The following POLQ variants were observed in gnomAD, a reference collection of about 807,000 sequenced individuals.
POLQ encodes the protein DNA polymerase theta.
A neutral mutation model predicts 259.2 loss-of-function variants in POLQ; 233 were observed. That is an observed-to-expected ratio of 0.90 (90% CI 0.81 to 1.00). The LOEUF (loss-of-function observed/expected upper bound fraction) is 1.00, where lower values mean the gene tolerates loss of function less well. Ranked by LOEUF, POLQ falls within the 50% of genes least tolerant of loss-of-function variation. The probability of loss-of-function intolerance (pLI) is 0.00; values close to 1 mark genes in which losing one functional copy is unlikely to be tolerated. For synonymous variants in POLQ, 1,025 were observed against 1,048.8 expected, an observed-to-expected ratio of 0.98 and a Z score of 0.44; for missense variants, 2,871 against 3,051.6, an observed-to-expected ratio of 0.94 and a Z score of 1.39.
intron 14 of POLQ, among the ~76,000 whole-genome samples, chr3:121,495,063 G>A (rs1245568074): frequency 6.6e-6 from 1 of 151,820 alleles, no homozygotes; most frequent in Non-Finnish European, 1.5e-5. Context: ...TCTGAGGTCA[G>A]GACTTTGAGA....
At position 121,490,046 on chromosome 3, in the gene POLQ, C is replaced by T. The variant is rs772952342; in HGVS notation, c.2885G>A (p.Ser962Asn). Residue 962 changes from serine to asparagine, a missense_variant, in exon 16 of 30, where the codon AGT (serine) becomes AAT (asparagine). By Grantham distance (46) the Ser-to-Asn change is conservative. Around this residue, in one of 3 missense-constraint regions of POLQ, gnomAD observed 2,080 missense variants for 2,126.0 expected, o/e 0.98. Coordinates refer to ENST00000264233, the MANE Select transcript of POLQ (RefSeq NM_199420.4). Reference protein sequence around the residue: ...SPNIVQDLNKSREHTSSFNCN... With the variant: ...SPNIVQDLNKNREHTSSFNCN... Reference sequence around the variant, plus strand: ...ATTAAAGGAACTTGTATGCTCTCTACTTTTATTTAAGTCTTGCACTATATT... The same window carrying T: ...ATTAAAGGAACTTGTATGCTCTCTATTTTTATTTAAGTCTTGCACTATATT... The T allele has an allele frequency of 1.3e-5, 21 of 1,574,408 alleles. No individual in the cohort carries two copies. The highest frequency in any genetic ancestry group is 1.7e-5 in the Non-Finnish European group (20 of 1,164,754).
chr3:121,509,208 A>T (rs965943706), intron 12 of POLQ, among the ~76,000 whole-genome samples: 1 of 152,168 alleles, frequency 6.6e-6, no homozygotes, highest in African/African-American at 2.4e-5. Flanking sequence ...AATGGCACGC[A>T]TGTTTGTGTA....
At chr3:121,525,327 G>A (rs1407481281) in intron 7 of POLQ, among the ~76,000 whole-genome samples, 1 of 148,018 alleles carries the variant, frequency 6.8e-6, no homozygotes, top group Non-Finnish European at 1.5e-5. Context: ...GGCAAAAGAC[G>A]GAGACTCCGT....
intron 15 of POLQ, among the ~76,000 whole-genome samples, chr3:121,492,185 G>GA (rs1466244174): frequency 2.0e-5 from 3 of 152,130 alleles, no homozygotes; most frequent in Admixed American, 6.6e-5. Context: ...TGGGAGGGAA[G>GA]AAACACTAAT....
rs532654692 is a variant in POLQ, at chr3:121,458,886, C to CCA, written c.7152+1162_7152+1163dup. On this transcript the variant is annotated intron_variant, in intron 25 of 29. Coordinates refer to ENST00000264233, the MANE Select transcript of POLQ (RefSeq NM_199420.4). Reference sequence around the variant, plus strand: ...GGCGACAAATTGAGACCTCACCTCTCCACACACACACACAAAAACTACAAC... The same window carrying CCA: ...GGCGACAAATTGAGACCTCACCTCTCCACACACACACACACAAAAACTACAAC... Among the ~76,000 whole-genome samples, 340 of 151,956 alleles carry CCA rather than the reference C, an allele frequency of 2.2e-3. 1 individual carries two copies. The highest frequency in any genetic ancestry group is 7.7e-3 in the African/African-American group (319 of 41,428).
chr3:121,436,619 C>T (rs144487048), intron 27 of POLQ, among the ~76,000 whole-genome samples: 39 of 152,250 alleles, frequency 2.6e-4, no homozygotes, highest in African/African-American at 9.1e-4. Context: ...AAGAGATCTG[C>T]TCCTCAAAAT....
Position 121,493,680 on chromosome 3 carries a change from T to C in POLQ, c.2320A>G (p.Met774Val), listed in dbSNP as rs749874659. 34 of 1,613,866 alleles carry C rather than the reference T, an allele frequency of 2.1e-5. No individual in the cohort carries two copies. The Middle Eastern group carries it at 9.9e-4, about 47-fold the overall frequency. The change falls in exon 15 of 30, where the codon ATG (methionine) becomes GTG (valine). Residue 774 changes from methionine to valine, a missense_variant. Transcript: ENST00000264233. Reference sequence around the variant, plus strand: ...TGAAATTGGGAAAGTAGTAGTTCCATGTTGTGCCAGCCCAGACGGTTGGAA... The same window carrying C: ...TGAAATTGGGAAAGTAGTAGTTCCACGTTGTGCCAGCCCAGACGGTTGGAA... ...VFSNRLGWHNMELLLSQFQKR... is the reference protein window; with the variant it reads ...VFSNRLGWHNVELLLSQFQKR...
At position 121,510,033 on chromosome 3, in the gene POLQ, A is replaced by G. The variant is rs1458350721; in HGVS notation, c.1816+6T>C. 6.2e-7 allele frequency: 1 copy of G among 1,605,786 alleles called. No individual in the cohort carries two copies. The highest frequency in any genetic ancestry group is 1.7e-5 in the Admixed American group (1 of 59,996). Reference sequence around the variant, plus strand: ...GAGTAAATTGCAACTGAGAAGTCACACTTACCTTCTGTTCCATCACTGGCT... The same window carrying G: ...GAGTAAATTGCAACTGAGAAGTCACGCTTACCTTCTGTTCCATCACTGGCT... On this transcript the variant is annotated splice_donor_region_variant and intron_variant, in intron 11 of 29. Transcript: ENST00000264233.
chr3:121,437,435 G>T (rs940194325), intron 27 of POLQ, among the ~76,000 whole-genome samples: 1 of 152,168 alleles, frequency 6.6e-6, no homozygotes, highest in African/African-American at 2.4e-5. Flanking sequence ...ACATTTGTAA[G>T]GTTGCTCATT....
Position 121,473,498 on chromosome 3 carries a change from TTAA to T in POLQ, c.6406-14_6406-12del, listed in dbSNP as rs758267307. Reference sequence around the variant, plus strand: ...TTCCAAAAATAAAACCTGCAAGAAATTAATGTCTCTTTAGTCAAGAATGAAACT... The same window carrying T: ...TTCCAAAAATAAAACCTGCAAGAAATTGTCTCTTTAGTCAAGAATGAAACT... On this transcript the variant is annotated splice_polypyrimidine_tract_variant and intron_variant, in intron 20 of 29. Transcript: ENST00000264233. 2 of 1,604,390 alleles carry T rather than the reference TTAA, an allele frequency of 1.2e-6. No individual in the cohort carries two copies. Among genetic ancestry groups the T allele is most frequent in the African/African-American group, 1.3e-5 (1 of 74,508 alleles).
At chr3:121,506,434 A>G (rs538008781) in intron 12 of POLQ, among the ~76,000 whole-genome samples, 43 of 152,250 alleles carry the variant, frequency 2.8e-4, no homozygotes, top group African/African-American at 9.9e-4. Context: ...GCCCTGGGTA[A>G]CTACTAATGC....
intron 25 of POLQ, among the ~76,000 whole-genome samples, chr3:121,455,528 CA>C (rs141132442): frequency 0.66 from 97,895 of 149,102 alleles, 32,139 homozygotes; most frequent in East Asian, 0.89. Flanking sequence ...CAAATAGACA[CA>C]AAAAAAAAAG....
chr3:121,494,283 G>A lies in POLQ; in HGVS notation c.2279-562C>T, dbSNP rs201300787. On this transcript the variant is annotated intron_variant, in intron 14 of 29. Transcript: ENST00000264233. Reference sequence around the variant, plus strand: ...CTCACCCGCTTTGTGAAACGGCCCCGCTATATCAGGTTGCAGCGGCAGAGA... The same window carrying A: ...CTCACCCGCTTTGTGAAACGGCCCCACTATATCAGGTTGCAGCGGCAGAGA... The A allele has an allele frequency of 1.8e-3, 2,795 of 1,595,362 alleles. 12 individuals are homozygous for A. Among genetic ancestry groups the A allele is most frequent in the Middle Eastern group, 4.5e-3 (20 of 4,488 alleles).
chr3:121,477,134 C>T (rs1266641178), intron 19 of POLQ, among the ~76,000 whole-genome samples: 2 of 152,160 alleles, frequency 1.3e-5, no homozygotes, highest in Non-Finnish European at 2.9e-5. Context: ...CACTCCATAC[C>T]TGACTTTACG....
At position 121,460,132 on chromosome 3, in the gene POLQ, T is replaced by A; in HGVS notation, c.7070A>T (p.Asp2357Val). ...CTCTGCTGCAATGCTCCTGAAAACA[T>A]CAGCTCCAGTGTTTAACACTTGAAT... ...RLIQVLNTGA[D>V]VFRSIAAEWK... The change falls in exon 25 of 30, where the codon GAT becomes GTT. Residue 2357 changes from aspartate to valine, a missense_variant. This residue lies in a region of POLQ where 2,080 missense variants were observed against 2,126.0 expected (regional missense o/e 0.98). Transcript: ENST00000264233. The A allele has an allele frequency of 6.2e-7, 1 of 1,613,766 alleles. No homozygotes were observed. Among genetic ancestry groups the A allele is most frequent in the South Asian group, 1.1e-5 (1 of 91,068 alleles).
intron 23 of POLQ, 58 bp from the exon 24 acceptor site, chr3:121,467,698 G>A: frequency 6.5e-7 from 1 of 1,527,706 alleles, no homozygotes; most frequent in South Asian, 1.2e-5. Flanking sequence ...ATATGAAAAA[G>A]GTCTGATTTT....
At chr3:121,498,761 C>A in intron 12 of POLQ, 91 bp from the exon 13 acceptor site, 1 of 909,688 alleles carries the variant, frequency 1.1e-6, no homozygotes, top group Non-Finnish European at 1.7e-6. Flanking sequence ...AAAAGCCAGG[C>A]ATGATGGTAT....
Position 121,467,573 on chromosome 3 carries a change from C to G in POLQ, c.6913G>C (p.Asp2305His), listed in dbSNP as rs1560091425. 6.2e-7 allele frequency: 1 copy of G among 1,614,034 alleles called. No homozygotes were observed. The highest frequency in any genetic ancestry group is 1.7e-5 in the Admixed American group (1 of 60,026). The change falls in exon 24 of 30, where the codon GAC becomes CAC. Residue 2305 changes from aspartate (D) to histidine (H), a missense_variant. Coordinates refer to ENST00000264233, the MANE Select transcript of POLQ (RefSeq NM_199420.4). ...CQAQMEERAA[D>H]RGMPFSISMR... Reference sequence around the variant, plus strand: ...CTAATTGAAAATGGCATTCCTCTGTCTGCAGCTCTCTCCTCCATCTGTGCC... The same window carrying G: ...CTAATTGAAAATGGCATTCCTCTGTGTGCAGCTCTCTCCTCCATCTGTGCC...
chr3:121,530,516 A>T (rs1020941467), intron 6 of POLQ, among the ~76,000 whole-genome samples: 2 of 152,338 alleles, frequency 1.3e-5, no homozygotes, highest in Admixed American at 1.3e-4. Flanking sequence ...ATATACCATT[A>T]AAAGAGAGTT....
Sources: allele counts gnomAD v4.1 joint callset (sites outside exome capture counted in the v4.1 genomes callset), GRCh38; gene constraint gnomAD v4.1.1; regional missense constraint gnomAD v4.1.1; transcripts MANE v1.5; gene names NCBI Gene and HGNC (gene_info 2026-07-23, HGNC 2026-07-21).